SLC24A3: variants seen among roughly 807,000 people sequenced by gnomAD.
The protein encoded by SLC24A3 is solute carrier family 24 member 3.
Under a neutral mutation model 75.8 loss-of-function variants are expected in SLC24A3, and 28 were observed. That is an observed-to-expected ratio of 0.37 (90% CI 0.27 to 0.51). The LOEUF is 0.51. Ranked by LOEUF, SLC24A3 falls within the 20% of genes least tolerant of loss-of-function variation. SLC24A3 has a pLI of 0.94. For synonymous variants in SLC24A3, 372 were observed against 334.1 expected (o/e 1.11, Z -1.24); for missense variants, 663 against 847.8 (o/e 0.78, Z 2.71).
intron 2 of SLC24A3, among the ~76,000 whole-genome samples, chr20:19,419,071 C>A (rs1986872362): frequency 6.6e-6 from 1 of 152,194 alleles, no homozygotes; most frequent in African/African-American, 2.4e-5. Context: ...TTTATTTTGT[C>A]TTTCATGTAA....
chr20:19,311,855 T>C (rs2122262053), intron 2 of SLC24A3, among the ~76,000 whole-genome samples: 1 of 152,292 alleles, frequency 6.6e-6, no homozygotes, highest in South Asian at 2.1e-4. Flanking sequence ...GAAATAGGGA[T>C]GCAGTCTCCT....
chr20:19,510,779 C>G (rs1988523825), intron 2 of SLC24A3, among the ~76,000 whole-genome samples: 1 of 152,234 alleles, frequency 6.6e-6, no homozygotes, highest in African/African-American at 2.4e-5. Context: ...TCTCAGACTT[C>G]CAGCCTCCAG....
At chr20:19,568,695 A>G (rs924982722) in intron 3 of SLC24A3, among the ~76,000 whole-genome samples, 1 of 152,226 alleles carries the variant, frequency 6.6e-6, no homozygotes, top group African/African-American at 2.4e-5. Flanking sequence ...TGATGGTTTC[A>G]TGGCATGAAT....
intron 6 of SLC24A3, among the ~76,000 whole-genome samples, chr20:19,588,873 G>A (rs2031334870): frequency 6.6e-6 from 1 of 152,178 alleles, no homozygotes; most frequent in African/African-American, 2.4e-5. Context: ...CCCAGGTTAG[G>A]ACTTTCATAT....
chr20:19,469,868 G>A (rs1310446354), intron 2 of SLC24A3, among the ~76,000 whole-genome samples: 1 of 152,180 alleles, frequency 6.6e-6, no homozygotes, highest in African/African-American at 2.4e-5. Flanking sequence ...ATTCAAGCAT[G>A]TCATCTTGCC....
intron 2 of SLC24A3, among the ~76,000 whole-genome samples, chr20:19,432,846 T>C (rs764042824): frequency 3.3e-5 from 5 of 152,224 alleles, no homozygotes; most frequent in Non-Finnish European, 7.3e-5. Flanking sequence ...TTGATGAACT[T>C]TCAGTGGATG....
chr20:19,385,608 A>C (rs1288668618), intron 2 of SLC24A3, among the ~76,000 whole-genome samples: 2 of 149,596 alleles, frequency 1.3e-5, no homozygotes, highest in African/African-American at 4.9e-5. Context: ...TGGCTATTCA[A>C]AGTCCTTGTG....
chr20:19,559,190 T>A (rs2030834853), intron 3 of SLC24A3, among the ~76,000 whole-genome samples: 1 of 152,234 alleles, frequency 6.6e-6, no homozygotes, highest in South Asian at 2.1e-4. Flanking sequence ...TACCTCATTG[T>A]GGCTTCTATT....
chr20:19,458,299 G>A (rs940419293), intron 2 of SLC24A3, among the ~76,000 whole-genome samples: 1 of 152,124 alleles, frequency 6.6e-6, no homozygotes, highest in African/African-American at 2.4e-5. Context: ...TTAAGGGTAG[G>A]TATATAAAAA....
At chr20:19,492,166 T>A (rs1330395817) in intron 2 of SLC24A3, among the ~76,000 whole-genome samples, 1 of 152,230 alleles carries the variant, frequency 6.6e-6, no homozygotes, top group South Asian at 2.1e-4. Context: ...CAGAGCTTTC[T>A]GGCCTTGACA....
chr20:19,303,057 C>A (rs1302834708), intron 2 of SLC24A3, among the ~76,000 whole-genome samples: 1 of 151,592 alleles, frequency 6.6e-6, no homozygotes, highest in Non-Finnish European at 1.5e-5. Flanking sequence ...GAGTTTGTTA[C>A]ATAAGTAAAC....
intron 6 of SLC24A3, among the ~76,000 whole-genome samples, chr20:19,634,371 G>A (rs962686529): frequency 6.6e-6 from 1 of 152,068 alleles, no homozygotes; most frequent in African/African-American, 2.4e-5. Flanking sequence ...CAGAAATTCT[G>A]CTGGGGAGAC....
intron 3 of SLC24A3, among the ~76,000 whole-genome samples, chr20:19,538,941 T>C (rs1332360404): frequency 6.6e-6 from 1 of 152,214 alleles, no homozygotes; most frequent in Non-Finnish European, 1.5e-5. Context: ...TCTACCATGA[T>C]CCACAACTGC....
At chr20:19,667,376 G>T (rs1184262855) in intron 8 of SLC24A3, among the ~76,000 whole-genome samples, 1 of 152,158 alleles carries the variant, frequency 6.6e-6, no homozygotes, top group Non-Finnish European at 1.5e-5. Context: ...CCTGGAGGTG[G>T]CTGCCAAATG....
intron 2 of SLC24A3, among the ~76,000 whole-genome samples, chr20:19,498,303 C>T (rs1370814333): frequency 6.6e-6 from 1 of 152,144 alleles, no homozygotes; most frequent in Non-Finnish European, 1.5e-5. Flanking sequence ...ATACTTGAAT[C>T]ATCCCCAAAC....
At chr20:19,666,302 C>A (rs148366787) in intron 8 of SLC24A3, among the ~76,000 whole-genome samples, 26 of 151,790 alleles carry the variant, frequency 1.7e-4, no homozygotes, top group African/African-American at 5.8e-4. Context: ...GTCAGGAGAT[C>A]GAGACCATCC....
intron 6 of SLC24A3, among the ~76,000 whole-genome samples, chr20:19,617,744 G>A (rs1390857638): frequency 3.3e-5 from 5 of 152,128 alleles, no homozygotes; most frequent in Non-Finnish European, 7.3e-5. Flanking sequence ...CCCATCCCTA[G>A]CCCATAAGTT....
intron 1 of SLC24A3, among the ~76,000 whole-genome samples, chr20:19,228,504 G>A (rs1314843751): frequency 6.6e-6 from 1 of 152,068 alleles, no homozygotes; most frequent in Non-Finnish European, 1.5e-5. Flanking sequence ...CCGGGCGTGG[G>A]CGTGGTGGTG....
At chr20:19,579,730 G>A (rs1156774281) in intron 3 of SLC24A3, among the ~76,000 whole-genome samples, 1 of 152,170 alleles carries the variant, frequency 6.6e-6, no homozygotes, top group Non-Finnish European at 1.5e-5. Context: ...CAGGGCAGAG[G>A]GAAGAACAAG....
Sources: allele counts gnomAD v4.1 joint callset (sites outside exome capture counted in the v4.1 genomes callset), GRCh38; gene constraint gnomAD v4.1.1; transcripts MANE v1.5; gene names NCBI Gene and HGNC (gene_info 2026-07-23, HGNC 2026-07-21).